Variants in SLMAP observed in about 807,000 individuals in gnomAD.
SLMAP encodes sarcolemma associated protein.
SLMAP carries 44 observed loss-of-function variants against 128.8 expected under a neutral mutation model. That is an observed-to-expected ratio of 0.34 (90% CI 0.27 to 0.44). The LOEUF (loss-of-function observed/expected upper bound fraction) is 0.44, where lower values mean the gene tolerates loss of function less well. Among genes scored for constraint, SLMAP ranks in the 20% least tolerant of loss-of-function variants. The pLI is 1.00. For missense variants in SLMAP, 787 were observed against 985.3 expected (o/e 0.80, Z 2.69); for synonymous variants, 327 against 348.8 (o/e 0.94, Z 0.70).
chr3:57,792,824 G>C (rs2085802055), intron 2 of SLMAP, among the ~76,000 whole-genome samples: 1 of 151,942 alleles, frequency 6.6e-6, no homozygotes, highest in African/African-American at 2.4e-5. Flanking sequence ...GCTACATTAT[G>C]TTTCCCAGGC....
intron 15 of SLMAP, chr3:57,890,920 T>G (rs1393207753): frequency 1.3e-5 from 2 of 152,224 alleles, no homozygotes; most frequent in Non-Finnish European, 2.9e-5. Flanking sequence ...TTTAACCATG[T>G]AAGAGGATGG....
chr3:57,799,082 C>T (rs1452346876), intron 2 of SLMAP, among the ~76,000 whole-genome samples: 1 of 152,162 alleles, frequency 6.6e-6, no homozygotes, highest in African/African-American at 2.4e-5. Context: ...GGAGTCCAGT[C>T]ATCATTTCTG....
At chr3:57,788,193 G>A (rs1183244455) in intron 2 of SLMAP, among the ~76,000 whole-genome samples, 1 of 152,240 alleles carries the variant, frequency 6.6e-6, no homozygotes, top group Non-Finnish European at 1.5e-5. Context: ...AGAGAGGACA[G>A]GAGATGAGGT....
At chr3:57,839,396 C>T (rs889880954) in intron 3 of SLMAP, among the ~76,000 whole-genome samples, 22 of 149,640 alleles carry the variant, frequency 1.5e-4, no homozygotes, top group African/African-American at 3.5e-4. Flanking sequence ...GATGATTCGT[C>T]GGCCTGATCA....
intron 4 of SLMAP, among the ~76,000 whole-genome samples, chr3:57,842,279 T>TGC: frequency 6.6e-6 from 1 of 151,964 alleles, no homozygotes; most frequent in Non-Finnish European, 1.5e-5. Context: ...TTTTCCTTGT[T>TGC]TGTTTACTTT....
chr3:57,862,721 A>T (rs921651081), intron 10 of SLMAP, among the ~76,000 whole-genome samples: 4 of 151,960 alleles, frequency 2.6e-5, no homozygotes, highest in African/African-American at 4.8e-5. Flanking sequence ...AGTCTCCTTG[A>T]ATGTGTTAAA....
At position 57,857,137 on chromosome 3, in the gene SLMAP, T is replaced by C. The variant is rs147246363; in HGVS notation, c.520-596T>C. On this transcript the variant is annotated intron_variant, in intron 6 of 24. Transcript: ENST00000671191. Reference sequence around the variant, plus strand: ...TTTAAAAACTTGCTCTTCCAAATTATGAATAAAAAGAAAACAAAAAACAGG... The same window carrying C: ...TTTAAAAACTTGCTCTTCCAAATTACGAATAAAAAGAAAACAAAAAACAGG... 7.2e-5 allele frequency among the ~76,000 whole-genome samples: 11 copies of C among 152,244 alleles called. No individual in the cohort carries two copies. The East Asian group carries it at 1.5e-3, about 21-fold the overall frequency.
intron 2 of SLMAP, among the ~76,000 whole-genome samples, chr3:57,776,765 T>A (rs1576322602): frequency 6.6e-6 from 1 of 152,048 alleles, no homozygotes; most frequent in Non-Finnish European, 1.5e-5. Flanking sequence ...CCTCAGGTGA[T>A]CCACCTGCCT....
intron 2 of SLMAP, among the ~76,000 whole-genome samples, chr3:57,820,349 G>T (rs1430714648): frequency 6.6e-6 from 1 of 152,038 alleles, no homozygotes; most frequent in Non-Finnish European, 1.5e-5. Context: ...CTGTTCTTTA[G>T]TATCAGTTAA....
chr3:57,783,315 C>T (rs1341977003), intron 2 of SLMAP, among the ~76,000 whole-genome samples: 1 of 152,160 alleles, frequency 6.6e-6, no homozygotes, highest in African/African-American at 2.4e-5. Flanking sequence ...AAGGCCATTC[C>T]GATGAGCTCT....
At chr3:57,801,574 A>G (rs1434725436) in intron 2 of SLMAP, 2 of 151,872 alleles carry the variant, frequency 1.3e-5, no homozygotes, top group African/African-American at 2.4e-5. Flanking sequence ...TTAAGGGAAC[A>G]TAATATTCAT....
chr3:57,924,028 G>A (rs181812493), intron 23 of SLMAP, among the ~76,000 whole-genome samples: 1,776 of 152,140 alleles, frequency 0.012, 20 homozygotes, highest in Non-Finnish European at 0.017. Context: ...TCTAAAATCA[G>A]ATCATAATGG....
chr3:57,825,794 G>A (rs921515542), intron 2 of SLMAP, among the ~76,000 whole-genome samples: 1 of 152,152 alleles, frequency 6.6e-6, no homozygotes, highest in African/African-American at 2.4e-5. Flanking sequence ...AATGCAGGCT[G>A]ATGTCTCCAA....
At chr3:57,851,669 A>C (rs2094507677) in intron 6 of SLMAP, among the ~76,000 whole-genome samples, 1 of 150,702 alleles carries the variant, frequency 6.6e-6, no homozygotes, top group Non-Finnish European at 1.5e-5. Flanking sequence ...AGTAGAGTAC[A>C]TTTTTAGGTT....
chr3:57,868,935 TTATA>T (rs1560331548), intron 13 of SLMAP, among the ~76,000 whole-genome samples: 1 of 136,640 alleles, frequency 7.3e-6, no homozygotes, highest in Admixed American at 8.1e-5. Context: ...ATAATATATG[TTATA>T]TGTGTGTATT....
chr3:57,793,186 C>T (rs1327008187), intron 2 of SLMAP, among the ~76,000 whole-genome samples: 1 of 152,022 alleles, frequency 6.6e-6, no homozygotes, highest in Non-Finnish European at 1.5e-5. Flanking sequence ...TGTCAGCCTC[C>T]AAGTAGTTAG....
chr3:57,838,776 A>T lies in SLMAP; in HGVS notation c.347-2523A>T, dbSNP rs573849872. Among the ~76,000 whole-genome samples, 7 of 152,270 alleles carry T rather than the reference A, an allele frequency of 4.6e-5. No individual in the cohort carries two copies. The East Asian group carries it at 1.2e-3, about 25-fold the overall frequency. On this transcript the variant is annotated intron_variant, in intron 3 of 24. Transcript: ENST00000671191. Reference sequence around the variant, plus strand: ...AGAAGGGACAGCCTGTGTAAAAGGCATGGGGCTGTGAAAGGTAAAGTGCTT... The same window carrying T: ...AGAAGGGACAGCCTGTGTAAAAGGCTTGGGGCTGTGAAAGGTAAAGTGCTT...
intron 17 of SLMAP, chr3:57,898,062 G>A (rs533432106): frequency 2.0e-5 from 3 of 152,296 alleles, no homozygotes; most frequent in African/African-American, 4.8e-5. Flanking sequence ...ATTTCTCTTT[G>A]TGGAAGTGCC....
Position 57,864,607 on chromosome 3 carries a change from A to G in SLMAP, c.1026A>G (p.Leu342=). Residue 342 remains leucine (L), a synonymous_variant, in exon 11 of 25, where the codon TTA becomes TTG. Coordinates refer to ENST00000671191, the MANE Select transcript of SLMAP (RefSeq NM_001377540.1). ...AGGGACAGGCTGAGAAAAAAGAATT[A>G]CAACATAAAATAGATGAAATGGAAG... ...QQKGQAEKKE[L]QHKIDEMEEK... 1 of 1,593,354 alleles carries G rather than the reference A, an allele frequency of 6.3e-7. No individual in the cohort carries two copies. The highest frequency in any genetic ancestry group is 8.5e-7 in the Non-Finnish European group (1 of 1,174,548).
Sources: gnomAD v4.1 joint callset for allele counts (sites outside exome capture counted in the v4.1 genomes callset) on GRCh38, gnomAD v4.1.1 for gene constraint, MANE v1.5 for transcripts, NCBI Gene and HGNC (gene_info 2026-07-23, HGNC 2026-07-21) for gene names.